The following ATG7 variants were observed in gnomAD, a reference collection of about 807,000 sequenced individuals.
ATG7 encodes autophagy related 7.
In ATG7, 70 loss-of-function variants were observed where a neutral mutation model predicts 82.4. The ratio of observed to expected loss-of-function variants is 0.85; its 90% CI spans 0.70 to 1.04. ATG7 has a LOEUF of 1.04. ATG7 is among the 50% of genes least tolerant of loss of function. The pLI, the probability that ATG7 is intolerant of heterozygous loss-of-function variation, is 0.00. For missense variants in ATG7, 792 were observed against 864.3 expected, an observed-to-expected ratio of 0.92 and a Z score of 1.05; for synonymous variants, 287 against 313.0, an observed-to-expected ratio of 0.92 and a Z score of 0.88.
intron 18 of ATG7, among the ~76,000 whole-genome samples, chr3:11,368,253 GAA>G (rs2076762011): frequency 8.8e-6 from 1 of 113,392 alleles, no homozygotes; most frequent in Non-Finnish European, 1.8e-5. Flanking sequence ...AAAAAAAAAA[GAA>G]GAAGAAGAAG....
Position 11,554,810 on chromosome 3 carries a change from G to C in ATG7, c.2080-1G>C, listed in dbSNP as rs551967625. 1 of 1,613,500 alleles carries C rather than the reference G, an allele frequency of 6.2e-7. No individual in the cohort carries two copies. Among genetic ancestry groups the C allele is most frequent in the Non-Finnish European group, 8.5e-7 (1 of 1,179,758 alleles). ...CTGAGCCTCTCCCCTTCTCCATGCA[G>C]ATCTGGGACATGAGCGATGATGAGA... is the stretch of plus-strand genomic sequence containing the variant. On this transcript the variant is annotated splice_acceptor_variant, in intron 20 of 20. Transcript: ENST00000693202. LOFTEE classifies it high-confidence loss of function.
intron 13 of ATG7, among the ~76,000 whole-genome samples, chr3:11,347,518 A>C (rs1039596068): frequency 1.3e-5 from 2 of 152,214 alleles, no homozygotes; most frequent in African/African-American, 2.4e-5. Context: ...CGTTAAGGGA[A>C]ATCAAGGACA....
At chr3:11,458,706 C>T (rs1196068624) in intron 20 of ATG7, among the ~76,000 whole-genome samples, 2 of 152,148 alleles carry the variant, frequency 1.3e-5, no homozygotes, top group African/African-American at 2.4e-5. Flanking sequence ...TGAAAATAAA[C>T]GCACAGGATA....
intron 20 of ATG7, among the ~76,000 whole-genome samples, chr3:11,433,363 C>T (rs2083085169): frequency 6.7e-6 from 1 of 149,250 alleles, no homozygotes; most frequent in South Asian, 2.1e-4. Flanking sequence ...CATATGAACA[C>T]CTTAGCCATG....
intron 13 of ATG7, among the ~76,000 whole-genome samples, chr3:11,345,088 A>G (rs1323412305): frequency 6.6e-6 from 1 of 152,012 alleles, no homozygotes; most frequent in African/African-American, 2.4e-5. Flanking sequence ...TCAGTTATAA[A>G]TCCGTCTGGG....
intron 19 of ATG7, among the ~76,000 whole-genome samples, chr3:11,424,377 A>T (rs1319346120): frequency 6.6e-6 from 1 of 152,086 alleles, no homozygotes; most frequent in African/African-American, 2.4e-5. Context: ...TTAACATTAA[A>T]TAAAGGTGGG....
intron 20 of ATG7, among the ~76,000 whole-genome samples, chr3:11,545,227 C>G (rs558044431): frequency 4.6e-5 from 7 of 152,192 alleles, no homozygotes; most frequent in Non-Finnish European, 1.0e-4. Flanking sequence ...GGACTTCACT[C>G]TCCCTCTGTG....
intron 20 of ATG7, among the ~76,000 whole-genome samples, chr3:11,438,330 G>C (rs1397279562): frequency 6.6e-6 from 1 of 152,146 alleles, no homozygotes; most frequent in Non-Finnish European, 1.5e-5. Flanking sequence ...GACTATGAAG[G>C]CTATTTTCAA....
At chr3:11,572,883 G>A in the ATG7 span, among the ~76,000 whole-genome samples, 12 of 151,988 alleles carry the variant, frequency 7.9e-5, 1 homozygote, top group South Asian at 6.2e-4. Context: ...AATGACCCCC[G>A]TAGGCCAGGC....
intron 7 of ATG7, 136 bp downstream of exon 7, chr3:11,309,197 C>G: frequency 2.3e-6 from 2 of 885,348 alleles, no homozygotes; most frequent in Non-Finnish European, 3.7e-6. Flanking sequence ...TAACGAAACG[C>G]TCATTTGATT....
intron 20 of ATG7, among the ~76,000 whole-genome samples, chr3:11,454,988 T>A (rs189394194): frequency 5.9e-5 from 9 of 152,330 alleles, no homozygotes; most frequent in African/African-American, 2.2e-4. Flanking sequence ...GCATAACATA[T>A]GGAAAGATAG....
chr3:11,326,445 C>A (rs1294295520), intron 9 of ATG7, among the ~76,000 whole-genome samples: 1 of 152,090 alleles, frequency 6.6e-6, no homozygotes, highest in Admixed American at 6.5e-5. Context: ...ACTACAGGTG[C>A]CCGCCATCAT....
intron 20 of ATG7, among the ~76,000 whole-genome samples, chr3:11,500,440 T>C (rs1285010149): frequency 2.2e-5 from 3 of 139,280 alleles, no homozygotes; most frequent in Non-Finnish European, 4.8e-5. Flanking sequence ...ATCTGATCAC[T>C]ATGCAATACA....
rs1049518774 is a variant in ATG7, at chr3:11,556,562, A to ATAAC, written c.*1721_*1724dup. 1 of 152,726 alleles carries ATAAC rather than the reference A, an allele frequency of 6.5e-6. No individual in the cohort carries two copies. The highest frequency in any genetic ancestry group is 6.5e-5 in the Admixed American group (1 of 15,270). The allele number at this position is 152,726 out of a possible 1,614,324, so 9.5% of individuals were successfully genotyped here. A position where few individuals can be genotyped will look rare whatever the true frequency, so the allele number is the denominator to read the frequency against. ...AATGCAGATGCAGTGTTCTCATAGA[A>ATAAC]TAACTGTTCCTGCACTTTTACAGAC... On this transcript the variant is annotated 3_prime_UTR_variant, in exon 21 of 21. Transcript: ENST00000693202.
intron 19 of ATG7, among the ~76,000 whole-genome samples, chr3:11,404,411 G>A (rs1409243696): frequency 6.6e-6 from 1 of 151,798 alleles, no homozygotes; most frequent in African/African-American, 2.4e-5. Flanking sequence ...GCTGGGATAC[G>A]GGCATGAGCC....
Position 11,525,161 on chromosome 3 carries a change from G to C in ATG7, c.2080-29650G>C, listed in dbSNP as rs1026679601. Among the ~76,000 whole-genome samples the C allele has an allele frequency of 9.4e-5, 14 of 149,418 alleles. 1 individual carries two copies. Among genetic ancestry groups the C allele is most frequent in the Non-Finnish European group, 2.1e-4 (14 of 67,942 alleles). On this transcript the variant is annotated intron_variant, in intron 20 of 20. Coordinates refer to ENST00000693202, the MANE Select transcript of ATG7 (RefSeq NM_001349232.2). Reference sequence around the variant, plus strand: ...AAGTGATTGTCCTGCCTCAGCCTCAGCTGGGACCACAGGCGTGCACTACCA... The same window carrying C: ...AAGTGATTGTCCTGCCTCAGCCTCACCTGGGACCACAGGCGTGCACTACCA...
intron 19 of ATG7, among the ~76,000 whole-genome samples, chr3:11,403,852 G>A (rs1370390494): frequency 2.0e-5 from 3 of 152,154 alleles, no homozygotes; most frequent in Non-Finnish European, 4.4e-5. Flanking sequence ...GCAGAAACAC[G>A]CTGGATTTCC....
chr3:11,423,175 A>G (rs2082080645), intron 19 of ATG7, among the ~76,000 whole-genome samples: 1 of 152,208 alleles, frequency 6.6e-6, no homozygotes, highest in Non-Finnish European at 1.5e-5. Context: ...AAATAGGCCC[A>G]AAGAGAGGGA....
At chr3:11,327,247 C>T (rs762511772) in intron 9 of ATG7, among the ~76,000 whole-genome samples, 5 of 152,240 alleles carry the variant, frequency 3.3e-5, no homozygotes, top group Non-Finnish European at 7.3e-5. Context: ...ATATAACATG[C>T]ATCCTGTGTT....
Sources: gnomAD v4.1 joint callset for allele counts (sites outside exome capture counted in the v4.1 genomes callset) on GRCh38, gnomAD v4.1.1 for gene constraint, MANE v1.5 for transcripts, NCBI Gene and HGNC (gene_info 2026-07-23, HGNC 2026-07-21) for gene names.